ZFHX3: variants seen among roughly 807,000 people sequenced by gnomAD.
ZFHX3 encodes the protein zinc finger homeobox 3, also known as zinc finger homeobox protein 3.
ZFHX3 carries 42 observed loss-of-function variants against 279.1 expected under a neutral mutation model. The observed-to-expected ratio is 0.15, with a 90% confidence interval of 0.12 to 0.19. The LOEUF (loss-of-function observed/expected upper bound fraction) is 0.19, where lower values mean the gene tolerates loss of function less well. Among genes scored for constraint, ZFHX3 ranks in the 10% least tolerant of loss-of-function variants. The pLI is 1.00. For missense variants in ZFHX3, 4,981 were observed against 4,754.0 expected (o/e 1.05, Z -1.40); for synonymous variants, 2,293 against 1,957.8 (o/e 1.17, Z -4.52).
chr16:73,559,825 A>G (rs2020343675), intron 2 of ZFHX3, among the ~76,000 whole-genome samples: 1 of 152,166 alleles, frequency 6.6e-6, no homozygotes, highest in East Asian at 1.9e-4. Context: ...AAGCAGCAGC[A>G]TCTGGACCTG....
At chr16:73,147,691 CAAAAAAAAAAAAAA>C (rs56079754) in intron 5 of ZFHX3, among the ~76,000 whole-genome samples, 4 of 40,886 alleles carry the variant, frequency 9.8e-5, no homozygotes, top group East Asian at 9.3e-4. Context: ...GACTCCGTCT[CAAAAAAAAAAAAAA>C]AAAAAAAAAA....
chr16:72,955,089 T>C (rs1269913413), intron 2 of ZFHX3, among the ~76,000 whole-genome samples: 1 of 152,162 alleles, frequency 6.6e-6, no homozygotes, highest in African/African-American at 2.4e-5. Flanking sequence ...TCCAAGTCTT[T>C]TGGACACTTC....
At chr16:73,847,256 G>A (rs1255759202) in intron 1 of ZFHX3, among the ~76,000 whole-genome samples, 1 of 152,154 alleles carries the variant, frequency 6.6e-6, no homozygotes, top group Admixed American at 6.5e-5. Context: ...AACTGAGACT[G>A]CCCCATTGCA....
At chr16:73,341,924 C>T (rs972486884) in intron 3 of ZFHX3, among the ~76,000 whole-genome samples, 11 of 152,084 alleles carry the variant, frequency 7.2e-5, no homozygotes, top group Non-Finnish European at 1.5e-4. Context: ...ATGGTTGCCT[C>T]GGGCTGGGGG....
intron 2 of ZFHX3, among the ~76,000 whole-genome samples, chr16:73,668,987 G>T (rs1490376267): frequency 6.6e-6 from 1 of 151,832 alleles, no homozygotes; most frequent in Admixed American, 6.6e-5. Context: ...GTGGAAGACA[G>T]TGTGATCTTT....
At chr16:73,011,199 T>C (rs1963903560) in intron 1 of ZFHX3, among the ~76,000 whole-genome samples, 1 of 151,426 alleles carries the variant, frequency 6.6e-6, no homozygotes, top group South Asian at 2.1e-4. Flanking sequence ...GCCAGGCTGG[T>C]CTCAAACTCC....
At chr16:73,652,111 A>T (rs915053092) in intron 2 of ZFHX3, among the ~76,000 whole-genome samples, 2 of 152,018 alleles carry the variant, frequency 1.3e-5, no homozygotes, top group African/African-American at 4.8e-5. Context: ...ATGTGAAAAG[A>T]TGTATTACTT....
intron 2 of ZFHX3, among the ~76,000 whole-genome samples, chr16:73,513,291 A>G (rs1164673085): frequency 6.6e-6 from 1 of 152,196 alleles, no homozygotes; most frequent in Non-Finnish European, 1.5e-5. Flanking sequence ...CTTGAGTCAT[A>G]AAGTTGAGTA....
intron 3 of ZFHX3, among the ~76,000 whole-genome samples, chr16:73,445,092 G>T (rs1008223057): frequency 6.6e-6 from 1 of 151,622 alleles, no homozygotes; most frequent in Non-Finnish European, 1.5e-5. Context: ...CGGAGATTGC[G>T]CCATTGCACT....
chr16:73,348,605 G>A (rs978185050), intron 3 of ZFHX3, among the ~76,000 whole-genome samples: 10 of 152,224 alleles, frequency 6.6e-5, no homozygotes, highest in African/African-American at 2.4e-4. Flanking sequence ...GCGTTCAGAG[G>A]ATGGACTGAT....
At chr16:72,814,867 A>G (rs1463396566) in intron 5 of ZFHX3, among the ~76,000 whole-genome samples, 1 of 152,150 alleles carries the variant, frequency 6.6e-6, no homozygotes, top group Non-Finnish European at 1.5e-5. Flanking sequence ...CTAGAAGTGG[A>G]TATTAGCCAC....
upstream of ZFHX3, among the ~76,000 whole-genome samples, chr16:73,048,688 A>G (rs1272072090): frequency 1.3e-5 from 2 of 152,254 alleles, no homozygotes; most frequent in Non-Finnish European, 2.9e-5. Context: ...CCACTCAAGC[A>G]TGGGGACAGG....
At chr16:73,272,905 C>A (rs2014187814) in intron 4 of ZFHX3, among the ~76,000 whole-genome samples, 1 of 152,046 alleles carries the variant, frequency 6.6e-6, no homozygotes, top group Non-Finnish European at 1.5e-5. Context: ...TGCCATCACA[C>A]CTGGCTAATT....
At chr16:73,205,252 A>G (rs925071478) in intron 5 of ZFHX3, among the ~76,000 whole-genome samples, 2 of 152,174 alleles carry the variant, frequency 1.3e-5, no homozygotes, top group African/African-American at 4.8e-5. Flanking sequence ...GTTACTAGAA[A>G]TAACTAATAA....
At chr16:73,403,061 C>CGTGTGCATGT (rs745649407) in intron 3 of ZFHX3, among the ~76,000 whole-genome samples, 54 of 152,204 alleles carry the variant, frequency 3.5e-4, no homozygotes, top group African/African-American at 9.9e-4. Context: ...CATGTGTACA[C>CGTGTGCATGT]GTGTGCATGT....
chr16:73,128,162 T>A (rs1966604820), intron 7 of ZFHX3, among the ~76,000 whole-genome samples: 1 of 151,904 alleles, frequency 6.6e-6, no homozygotes, highest in South Asian at 2.1e-4. Flanking sequence ...ATAACTGAAC[T>A]TTTTCTGACT....
chr16:73,701,719 T>G (rs1483204334), intron 1 of ZFHX3, among the ~76,000 whole-genome samples: 3 of 152,088 alleles, frequency 2.0e-5, no homozygotes, highest in African/African-American at 7.2e-5. Flanking sequence ...TGCTACATAA[T>G]TCTAAAAAAT....
chr16:73,034,412 GAAAGTCC>G (rs1567643249), intron 1 of ZFHX3, among the ~76,000 whole-genome samples: 1 of 152,142 alleles, frequency 6.6e-6, no homozygotes, highest in Admixed American at 6.5e-5. Flanking sequence ...GCCTCTAAGA[GAAAGTCC>G]CCTCCAAGCA....
intron 4 of ZFHX3, among the ~76,000 whole-genome samples, chr16:73,313,996 G>A (rs1475610990): frequency 6.6e-6 from 1 of 152,152 alleles, no homozygotes; most frequent in East Asian, 1.9e-4. Context: ...CTCCTTGAGA[G>A]GCTGAGGTGG....
Sources: gnomAD v4.1 joint callset for allele counts (sites outside exome capture counted in the v4.1 genomes callset) on GRCh38, gnomAD v4.1.1 for gene constraint, MANE v1.5 for transcripts, NCBI Gene and HGNC (gene_info 2026-07-23, HGNC 2026-07-21) for gene names.